The following SOX6 variants were observed in gnomAD, a reference collection of about 807,000 sequenced individuals.
SOX6 encodes the protein transcription factor SOX-6.
Under a neutral mutation model 97.8 loss-of-function variants are expected in SOX6, and 11 were observed. The ratio of observed to expected loss-of-function variants is 0.11; its 90% CI spans 0.07 to 0.19. The LOEUF is 0.19. Ranked by LOEUF, SOX6 falls within the 10% of genes least tolerant of loss-of-function variation. The probability of loss-of-function intolerance (pLI) is 1.00; values close to 1 mark genes in which losing one functional copy is unlikely to be tolerated. For missense variants in SOX6, 810 were observed against 1,039.5 expected (o/e 0.78, Z 3.04); for synonymous variants, 360 against 371.4 (o/e 0.97, Z 0.35).
intron 3 of SOX6, among the ~76,000 whole-genome samples, chr11:16,685,134 G>A (rs1236206844): frequency 6.6e-6 from 1 of 152,034 alleles, no homozygotes; most frequent in African/African-American, 2.4e-5. Context: ...GGGATTTGGT[G>A]GTGACATATA....
intron 10 of SOX6, 139 bp downstream of exon 10, chr11:16,055,613 T>C: frequency 1.0e-6 from 1 of 971,632 alleles, no homozygotes; most frequent in Non-Finnish European, 1.6e-6. Flanking sequence ...ATTATGAAAT[T>C]TACCATAAAG....
intron 4 of SOX6, among the ~76,000 whole-genome samples, chr11:16,609,558 G>A (rs2133981758): frequency 6.6e-6 from 1 of 152,338 alleles, no homozygotes. Context: ...CAGATGAAGT[G>A]ATCAAAGACA....
intron 4 of SOX6, among the ~76,000 whole-genome samples, chr11:16,562,400 G>GA (rs1422785906): frequency 2.0e-5 from 3 of 152,124 alleles, no homozygotes; most frequent in Non-Finnish European, 2.9e-5. Flanking sequence ...AATAGATACA[G>GA]AAAAAAAGTC....
chr11:16,165,749 T>C (rs1850871464), intron 6 of SOX6, among the ~76,000 whole-genome samples: 1 of 151,914 alleles, frequency 6.6e-6, no homozygotes. Flanking sequence ...AGTACAAAAA[T>C]TAGCCAGGCA....
chr11:16,108,233 TA>T (rs1849144774), intron 7 of SOX6, among the ~76,000 whole-genome samples: 1 of 152,068 alleles, frequency 6.6e-6, no homozygotes, highest in Non-Finnish European at 1.5e-5. Flanking sequence ...ATATCATAAC[TA>T]GTGAGTAAAT....
At chr11:15,978,493 C>T (rs1450564591) in intron 15 of SOX6, among the ~76,000 whole-genome samples, 1 of 125,736 alleles carries the variant, frequency 8.0e-6, no homozygotes, top group Non-Finnish European at 1.8e-5. Context: ...GCCACACCCT[C>T]CTGGTCTTCT....
At chr11:16,283,085 A>T (rs1327975063) in intron 3 of SOX6, among the ~76,000 whole-genome samples, 5 of 36,612 alleles carry the variant, frequency 1.4e-4, no homozygotes, top group South Asian at 1.2e-3. Context: ...ATTATATATA[A>T]TTTGTATATA....
Position 16,082,976 on chromosome 11 carries a change from T to C in SOX6, c.1101+13020A>G, listed in dbSNP as rs1453834051. 6.6e-5 allele frequency among the ~76,000 whole-genome samples: 10 copies of C among 152,280 alleles called. No homozygotes were observed. The East Asian group carries it at 1.2e-3, about 18-fold the overall frequency. ...GTGCTGTCTATTGCTTCTACACCTA[T>C]GGGTAGCTATTCTCTTTGTCTGGAG... On this transcript the variant is annotated intron_variant, in intron 9 of 15. Transcript: ENST00000683767.
At chr11:16,179,512 G>T (rs1451289403) in intron 6 of SOX6, among the ~76,000 whole-genome samples, 1 of 151,860 alleles carries the variant, frequency 6.6e-6, no homozygotes, top group Non-Finnish European at 1.5e-5. Context: ...AAAAGAAAAA[G>T]TTTTCAGATA....
chr11:16,138,338 T>C (rs1850029332), intron 6 of SOX6, among the ~76,000 whole-genome samples: 1 of 152,128 alleles, frequency 6.6e-6, no homozygotes. Flanking sequence ...AAAGAGTTTC[T>C]AAAAAGAGCC....
chr11:16,506,008 T>C (rs746315972), intron 4 of SOX6, among the ~76,000 whole-genome samples: 3 of 152,224 alleles, frequency 2.0e-5, no homozygotes, highest in Non-Finnish European at 4.4e-5. Context: ...TAGGGCAGCA[T>C]GGATGCAAAA....
rs1367439341 is a variant in SOX6 at position 16,132,370 on chromosome 11, GAA to G, written c.778-20449_778-20448del. ...AGAAAGAAAGAAAGAAAGAAAGAAA[GAA>G]AGAAAGAAAGAAAGAAAGAAAGAAA... On this transcript the variant is annotated intron_variant, in intron 6 of 15. Transcript: ENST00000683767. 4.8e-5 allele frequency among the ~76,000 whole-genome samples: 4 copies of G among 83,906 alleles called. No individual in the cohort carries two copies. The East Asian group carries it at 2.0e-3, about 43-fold the overall frequency. 55.0% of individuals were successfully genotyped at this position (83,906 alleles called of 152,430 possible). A position where few individuals can be genotyped will look rare whatever the true frequency, so the allele number is the denominator to read the frequency against.
At chr11:16,539,436 A>G (rs559636188) in intron 4 of SOX6, among the ~76,000 whole-genome samples, 14 of 152,292 alleles carry the variant, frequency 9.2e-5, no homozygotes, top group African/African-American at 2.4e-4. Context: ...AAATAAATTC[A>G]AAAGCTAGCA....
chr11:16,371,905 C>T (rs549031012), intron 1 of SOX6, among the ~76,000 whole-genome samples: 53 of 152,050 alleles, frequency 3.5e-4, no homozygotes, highest in South Asian at 1.0e-3. Flanking sequence ...TAGGGTTGCT[C>T]GACCTGTAAT....
chr11:16,720,635 T>TATAC (rs1848253757), intron 2 of SOX6, among the ~76,000 whole-genome samples: 1 of 147,280 alleles, frequency 6.8e-6, no homozygotes, highest in African/African-American at 2.5e-5. Flanking sequence ...ATGGCACATG[T>TATAC]ATACATATGT....
At chr11:16,391,155 A>G (rs1858168686) in intron 1 of SOX6, among the ~76,000 whole-genome samples, 1 of 152,192 alleles carries the variant, frequency 6.6e-6, no homozygotes, top group Admixed American at 6.5e-5. Flanking sequence ...GAACACATGG[A>G]CATGGGGAGG....
At chr11:16,052,378 A>C (rs1483457665) in intron 10 of SOX6, among the ~76,000 whole-genome samples, 1 of 152,132 alleles carries the variant, frequency 6.6e-6, no homozygotes, top group Non-Finnish European at 1.5e-5. Flanking sequence ...AAGAGGCATA[A>C]ATATTTTCTC....
intron 12 of SOX6, among the ~76,000 whole-genome samples, chr11:16,042,200 T>C (rs1037677411): frequency 1.3e-5 from 2 of 152,186 alleles, no homozygotes; most frequent in Non-Finnish European, 2.9e-5. Flanking sequence ...CCAGGATTAA[T>C]CAACTCTAAA....
chr11:16,270,654 AACACACACACAC>A (rs57034455), intron 3 of SOX6, among the ~76,000 whole-genome samples: 1 of 149,274 alleles, frequency 6.7e-6, no homozygotes, highest in Admixed American at 6.7e-5. Flanking sequence ...CACACACACA[AACACACACACAC>A]ACAGGAATAT....
Sources: gnomAD v4.1 joint callset for allele counts (sites outside exome capture counted in the v4.1 genomes callset) on GRCh38, gnomAD v4.1.1 for gene constraint, MANE v1.5 for transcripts, NCBI Gene and HGNC (gene_info 2026-07-23, HGNC 2026-07-21) for gene names.